DHPS: variants seen among roughly 807,000 people sequenced by gnomAD.
The protein encoded by DHPS is deoxyhypusine synthase, also known as migration-inducing gene 13.
DHPS carries 24 observed loss-of-function variants against 38.7 expected under a neutral mutation model. The observed-to-expected ratio is 0.62, with a 90% CI of 0.45 to 0.87. The LOEUF (loss-of-function observed/expected upper bound fraction) is 0.87. Ranked by LOEUF, DHPS falls within the 40% of genes least tolerant of loss-of-function variation. The probability of loss-of-function intolerance (pLI) is 0.00; values close to 1 mark genes in which losing one functional copy is unlikely to be tolerated. For missense variants in DHPS, 510 were observed against 497.6 expected (o/e 1.02, Z -0.24); for synonymous variants, 250 against 204.4 (o/e 1.22, Z -1.90).
At position 12,681,834 on chromosome 19, in the gene DHPS, T is replaced by A; in HGVS notation, c.-68A>T. The A allele has an allele frequency of 7.2e-7, 1 of 1,391,666 alleles. No homozygotes were observed. Among genetic ancestry groups the A allele is most frequent in the Non-Finnish European group, 9.9e-7 (1 of 1,006,778 alleles). The allele number at this position is 1,391,666 out of a possible 1,614,324, so 86.2% of individuals were successfully genotyped here. A position where few individuals can be genotyped will look rare whatever the true frequency, so the allele number is the denominator to read the frequency against. On this transcript the variant is annotated 5_prime_UTR_variant, in exon 1 of 9. Coordinates refer to ENST00000210060, the MANE Select transcript of DHPS (RefSeq NM_001930.4). Reference sequence around the variant, plus strand: ...GGCTTACGGCGGCCCAGAAACGCGTTAAACCCCGACGCGCGCGTCTCCGCA... The same window carrying A: ...GGCTTACGGCGGCCCAGAAACGCGTAAAACCCCGACGCGCGCGTCTCCGCA...
At chr19:12,673,397 T>C, downstream of DHPS, 1 of 613,328 alleles carries the variant, frequency 1.6e-6, no homozygotes, top group Non-Finnish European at 2.9e-6. Flanking sequence ...CTCCAGGGCC[T>C]GAAGGCTAGG....
In DHPS at chr19:12,675,725, C is replaced by T. The variant is rs2024556886; in HGVS notation, c.*113G>A. ...GGACCGAGACACAGACATGGAAGGA[C>T]TTCAGATACCATCTTATTCTAGAGA... On this transcript the variant is annotated 3_prime_UTR_variant, in exon 9 of 9. Coordinates refer to ENST00000210060, the MANE Select transcript of DHPS (RefSeq NM_001930.4). 3 of 1,587,402 alleles carry T rather than the reference C, an allele frequency of 1.9e-6. No individual in the cohort carries two copies. Among genetic ancestry groups the T allele is most frequent in the Non-Finnish European group, 1.7e-6 (2 of 1,170,198 alleles).
rs1207286401 is a variant in DHPS at position 12,679,547 on chromosome 19, G to C, written c.592-4C>G. ...TAGAAGGCGTCCACTTTACACCCTA[G>C]GAGAGGATGTGACCTTCAGGCCATG... On this transcript the variant is annotated splice_polypyrimidine_tract_variant and splice_region_variant and intron_variant, in intron 4 of 8. Coordinates refer to ENST00000210060, the MANE Select transcript of DHPS (RefSeq NM_001930.4). The C allele has an allele frequency of 3.7e-6, 6 of 1,613,992 alleles. No individual in the cohort carries two copies. The highest frequency in any genetic ancestry group is 2.2e-5 in the East Asian group (1 of 44,898).
Position 12,681,637 on chromosome 19 carries a change from C to G in DHPS, c.130G>C (p.Ala44Pro). 6.2e-7 allele frequency: 1 copy of G among 1,614,230 alleles called. No individual in the cohort carries two copies. The highest frequency in any genetic ancestry group is 8.5e-7 in the Non-Finnish European group (1 of 1,180,046). Reference protein sequence around the residue: ...YDFNRGVNYRALLEAFGTTGF... With the variant: ...YDFNRGVNYRPLLEAFGTTGF... ...GTGGTGCCGAAGGCCTCCAGCAGTG[C>G]GCGGTAATTCACACCGCGGTTGAAG... Residue 44 changes from alanine (A) to proline (P), a missense_variant, in exon 1 of 9, where the codon GCA becomes CCA. By Grantham distance (27) the Ala-to-Pro change is conservative (BLOSUM62 -1). Coordinates refer to ENST00000210060, the MANE Select transcript of DHPS (RefSeq NM_001930.4).
At chr19:12,673,265 T>C (rs780850082), downstream of DHPS, 2 of 1,613,884 alleles carry the variant, frequency 1.2e-6, no homozygotes, top group East Asian at 2.2e-5. Flanking sequence ...GTGACACACA[T>C]GTGGTCAGCT....
At chr19:12,675,630 C>A, downstream of DHPS, 1 of 1,602,718 alleles carries the variant, frequency 6.2e-7, no homozygotes, top group Non-Finnish European at 8.5e-7. Context: ...GCGTCCAGTG[C>A]TGGCGAGAGG....
intron 5 of DHPS, 78 bp from the exon 6 acceptor site, chr19:12,677,474 G>T (rs766382313): frequency 1.6e-6 from 2 of 1,235,828 alleles, no homozygotes; most frequent in Non-Finnish European, 2.3e-6. Flanking sequence ...TCTGACTGTG[G>T]ATGGGGTGCC....
chr19:12,672,846 G>A, downstream of DHPS: 1 of 1,579,578 alleles, frequency 6.3e-7, no homozygotes, highest in South Asian at 1.2e-5. Context: ...CTCTCCTGCA[G>A]CTCCGTGGAT....
chr19:12,676,758 A>G (rs561055255), intron 7 of DHPS: 238 of 318,834 alleles, frequency 7.5e-4, no homozygotes, highest in Non-Finnish European at 9.9e-4. Context: ...GCAATCCAGA[A>G]GCTCAATGCT....
Position 12,681,711 on chromosome 19 carries a change from T to G in DHPS, c.56A>C (p.Lys19Thr). 6.2e-7 allele frequency: 1 copy of G among 1,613,746 alleles called. No homozygotes were observed. The highest frequency in any genetic ancestry group is 1.1e-5 in the South Asian group (1 of 91,082). The change falls in exon 1 of 9, where the codon AAG becomes ACG. Residue 19 changes from lysine to threonine, a missense_variant. Coordinates refer to ENST00000210060, the MANE Select transcript of DHPS (RefSeq NM_001930.4). ...TTCGGGCGGCAACGTCGAGCTGTGC[T>G]TTAGCACGGCGGCCAGCGCCCCCGC... ...APAGALAAVLKHSSTLPPEST... is the reference protein window; with the variant it reads ...APAGALAAVLTHSSTLPPEST...
chr19:12,672,964 C>G, downstream of DHPS: 2 of 1,597,198 alleles, frequency 1.3e-6, no homozygotes, highest in Non-Finnish European at 1.7e-6. Flanking sequence ...GGGGGCCAAC[C>G]AGGGGCACCC....
chr19:12,675,508 C>T (rs781692627), downstream of DHPS: 2 of 1,601,286 alleles, frequency 1.2e-6, no homozygotes, highest in Non-Finnish European at 8.5e-7. Flanking sequence ...CCACTCCCTA[C>T]CCCTCGCTCC....
intron 5 of DHPS, among the ~76,000 whole-genome samples, chr19:12,678,626 G>A (rs779537425): frequency 2.5e-4 from 38 of 151,508 alleles, no homozygotes; most frequent in Non-Finnish European, 2.5e-4. Context: ...AAAATTGGCC[G>A]GGCATGATGG....
chr19:12,676,788 C>CAA lies in DHPS; in HGVS notation c.888+319_888+320insTT, dbSNP rs2145345809. The CAA allele has an allele frequency of 1.5e-5, 6 of 397,434 alleles. No individual in the cohort carries two copies. In the East Asian group the frequency reaches 3.3e-4, roughly 22 times the overall value. 24.6% of individuals were successfully genotyped at this position (397,434 alleles called of 1,614,324 possible). On this transcript the variant is annotated intron_variant, in intron 7 of 8. Coordinates refer to ENST00000210060, the MANE Select transcript of DHPS (RefSeq NM_001930.4). Reference sequence around the variant, plus strand: ...AATGCTAGTACAGCAGCACAAACTCCTGGCACGGGAGACAACCACATAGCT... The same window carrying CAA: ...AATGCTAGTACAGCAGCACAAACTCCAATGGCACGGGAGACAACCACATAGCT...
chr19:12,673,394 G>T, downstream of DHPS: 1 of 858,126 alleles, frequency 1.2e-6, no homozygotes, highest in Non-Finnish European at 1.9e-6. Context: ...TCACTCCAGG[G>T]CCTGAAGGCT....
intron 2 of DHPS, 71 bp downstream of exon 2, chr19:12,680,090 C>G: frequency 6.3e-7 from 1 of 1,593,986 alleles, no homozygotes; most frequent in South Asian, 1.1e-5. Flanking sequence ...CTGCCCATCT[C>G]ACTTAAACGA....
At chr19:12,676,897 C>T (rs1477640420) in intron 7 of DHPS, 2 of 579,782 alleles carry the variant, frequency 3.4e-6, no homozygotes, top group African/African-American at 3.7e-5. Context: ...GACAGCACCC[C>T]TTTCTCTTCT....
chr19:12,673,233 C>G, downstream of DHPS: 1 of 1,614,024 alleles, frequency 6.2e-7, no homozygotes, highest in Non-Finnish European at 8.5e-7. Context: ...GGAATACAAG[C>G]TGGACTGCTG....
At position 12,679,491 on chromosome 19, in the gene DHPS, T is replaced by C. The variant is rs2024726437; in HGVS notation, c.644A>G (p.Asn215Ser). The C allele has an allele frequency of 1.2e-6, 2 of 1,614,210 alleles. No individual in the cohort carries two copies. The highest frequency in any genetic ancestry group is 1.7e-6 in the Non-Finnish European group (2 of 1,180,030). Reference sequence around the variant, plus strand: ...CCAGTAATACACGGACTCTGGGTTGTTGATCTCCTTGCCCAGCCGGGCGAT... The same window carrying C: ...CCAGTAATACACGGACTCTGGGTTGCTGATCTCCTTGCCCAGCCGGGCGAT... The part of the protein sequence containing the change: ...KMIARLGKEI[N>S]NPESVYYWAQ... The change falls in exon 5 of 9, where the codon AAC becomes AGC. Residue 215 changes from asparagine (N) to serine (S), a missense_variant. Asn to Ser is a conservative substitution (Grantham distance 46). Transcript: ENST00000210060.
Sources: allele counts gnomAD v4.1 joint callset (sites outside exome capture counted in the v4.1 genomes callset), GRCh38; gene constraint gnomAD v4.1.1; transcripts MANE v1.5; gene names NCBI Gene and HGNC (gene_info 2026-07-23, HGNC 2026-07-21).